Variants in ACO2 observed in about 807,000 individuals in gnomAD.
The protein encoded by ACO2 is aconitate hydratase, mitochondrial.
Under a neutral mutation model 84.5 loss-of-function variants are expected in ACO2, and 31 were observed. The ratio of observed to expected loss-of-function variants is 0.37; its 90% confidence interval spans 0.28 to 0.50. The LOEUF is 0.50. ACO2 is among the 20% of genes least tolerant of loss of function. The pLI, the probability that ACO2 is intolerant of heterozygous loss-of-function variation, is 0.97. For synonymous variants in ACO2, 414 were observed against 412.7 expected (o/e 1.00, Z -0.04); for missense variants, 685 against 1,029.3 (o/e 0.67, Z 4.58).
At chr22:41,485,340 G>T (rs889485630) in intron 1 of ACO2, among the ~76,000 whole-genome samples, 1 of 151,418 alleles carries the variant, frequency 6.6e-6, no homozygotes, top group South Asian at 2.1e-4. Flanking sequence ...CACTCTTGTT[G>T]CCCAGGCTGG....
At position 41,526,365 on chromosome 22, in the gene ACO2, T is replaced by A. The variant is rs2066596192; in HGVS notation, c.1865T>A (p.Ile622Asn). 1 of 1,613,630 alleles carries A rather than the reference T, an allele frequency of 6.2e-7. No individual in the cohort carries two copies. The highest frequency in any genetic ancestry group is 8.5e-7 in the Non-Finnish European group (1 of 1,180,034). Residue 622 changes from isoleucine (I) to asparagine (N), a missense_variant, in exon 15 of 18, where the codon ATC (isoleucine) becomes AAC (asparagine). This residue lies in a region of ACO2 where 174 missense variants were observed against 236.6 expected (regional missense o/e 0.74). Coordinates refer to ENST00000216254, the MANE Select transcript of ACO2 (RefSeq NM_001098.3). ...TCCAACAACCTGCTCATTGGTGCCA[T>A]CAACATTGAAAACGGCAAGGCCAAC... ...NISNNLLIGA[I>N]NIENGKANSV...
chr22:41,480,459 C>T (rs1287447229), intron 1 of ACO2, among the ~76,000 whole-genome samples: 1 of 152,094 alleles, frequency 6.6e-6, no homozygotes, highest in Non-Finnish European at 1.5e-5. Flanking sequence ...GTGCTTGGGA[C>T]CTGCTCTGGG....
At chr22:41,484,871 C>CTTTTT (rs1231320140) in intron 1 of ACO2, among the ~76,000 whole-genome samples, 1 of 119,004 alleles carries the variant, frequency 8.4e-6, no homozygotes, top group Non-Finnish European at 1.8e-5. Flanking sequence ...GGAGTCAGCT[C>CTTTTT]TTTTTTTTTT....
Position 41,507,962 on chromosome 22 carries a change from G to C in ACO2, c.345G>C (p.Leu115=), listed in dbSNP as rs1474128543. The C allele has an allele frequency of 1.2e-6, 2 of 1,614,136 alleles. No homozygotes were observed. Among genetic ancestry groups the C allele is most frequent in the Non-Finnish European group, 1.7e-6 (2 of 1,180,052 alleles). ...MAMLQFISSG[L]SKVAVPSTIH... ...TGCTCCAGTTCATCAGCAGCGGGCT[G>C]TCCAAGGTGGCTGTGCCATCCACCA... is the stretch of plus-strand genomic sequence containing the variant. The change falls in exon 3 of 18, where the codon CTG becomes CTC. Residue 115 remains leucine (L), a synonymous_variant. Transcript: ENST00000216254.
chr22:41,503,361 C>T (rs1312392612), intron 2 of ACO2, among the ~76,000 whole-genome samples: 2 of 151,744 alleles, frequency 1.3e-5, no homozygotes, highest in Admixed American at 1.3e-4. Context: ...GAGTCTCGCT[C>T]TGTCGCCCAG....
chr22:41,527,678 T>C (rs541836094), intron 16 of ACO2: 4 of 797,294 alleles, frequency 5.0e-6, no homozygotes, highest in Admixed American at 2.9e-5. Context: ...TTCTTTCTGA[T>C]CATGAATGTG....
At chr22:41,487,652 G>C (rs1037898089) in intron 1 of ACO2, among the ~76,000 whole-genome samples, 1 of 152,038 alleles carries the variant, frequency 6.6e-6, no homozygotes, top group African/African-American at 2.4e-5. Flanking sequence ...AATTCTTGGT[G>C]ATCTGGGGTC....
At position 41,518,568 on chromosome 22, in the gene ACO2, G is replaced by A; in HGVS notation, c.1028G>A (p.Ser343Asn). 2 of 1,611,590 alleles carry A rather than the reference G, an allele frequency of 1.2e-6. No homozygotes were observed. Among genetic ancestry groups the A allele is most frequent in the Non-Finnish European group, 1.7e-6 (2 of 1,177,786 alleles). The change falls in exon 8 of 18, where the codon AGT becomes AAT. Residue 343 changes from serine (S) to asparagine (N), a missense_variant. By Grantham distance (46) the Ser-to-Asn change is conservative. Coordinates refer to ENST00000216254, the MANE Select transcript of ACO2 (RefSeq NM_001098.3). ...HYDQLIEINLSELKPHINGPF... is the reference protein window; with the variant it reads ...HYDQLIEINLNELKPHINGPF... Reference sequence around the variant, plus strand: ...GACCAACTAATTGAAATTAACCTCAGTGAGGTGAGGAGACAATTAACTGGG... The same window carrying A: ...GACCAACTAATTGAAATTAACCTCAATGAGGTGAGGAGACAATTAACTGGG...
rs2066641725 is a variant in ACO2 at position 41,528,065 on chromosome 22, G to A, written c.2208+43G>A. Reference sequence around the variant, plus strand: ...CCCTGAGGTGGTGGGGTGAGGGGCAGCCACCTTGTTTCCCCTCCTGCACTG... The same window carrying A: ...CCCTGAGGTGGTGGGGTGAGGGGCAACCACCTTGTTTCCCCTCCTGCACTG... On this transcript the variant is annotated intron_variant, in intron 17 of 17. Transcript: ENST00000216254. 11 of 1,612,880 alleles carry A rather than the reference G, an allele frequency of 6.8e-6. No homozygotes were observed. In the East Asian group the frequency reaches 2.5e-4, roughly 36 times the overall value.
At chr22:41,491,988 A>T (rs2066274735) in intron 1 of ACO2, among the ~76,000 whole-genome samples, 1 of 152,162 alleles carries the variant, frequency 6.6e-6, no homozygotes, top group South Asian at 2.1e-4. Context: ...GATCTAGAAG[A>T]AGTGATCCAT....
rs367990906 is a variant in ACO2, at chr22:41,525,390, G to A, written c.1761+42G>A. The A allele has an allele frequency of 4.7e-5, 75 of 1,607,294 alleles. No homozygotes were observed. In the African/African-American group the frequency reaches 9.5e-4, roughly 20 times the overall value. Reference sequence around the variant, plus strand: ...CGGCAGGACAGCCCCACCCTGCCAGGGCCCCCCGTCCCCTGAGCATCGGGA... The same window carrying A: ...CGGCAGGACAGCCCCACCCTGCCAGAGCCCCCCGTCCCCTGAGCATCGGGA... On this transcript the variant is annotated intron_variant, in intron 14 of 17. Transcript: ENST00000216254.
chr22:41,508,108 CCCTCACACTGGAGCAAACCAGGGCATTG>C, intron 3 of ACO2, 59 bp downstream of exon 3: 1 of 1,558,562 alleles, frequency 6.4e-7, no homozygotes, highest in Non-Finnish European at 8.7e-7. Flanking sequence ...AGAGGCCTCA[CCCTCACACTGGAGCAAACCAGGGCATTG>C]CCTCCAAATT....
rs1313012481 is a variant in ACO2 at position 41,491,565 on chromosome 22, A to G, written c.37-8161A>G. Reference sequence around the variant, plus strand: ...TTCTGGAAAATGCTAATCAGCCACAAGGGCCTTTAAAACTGTCTGCAGTAA... The same window carrying G: ...TTCTGGAAAATGCTAATCAGCCACAGGGGCCTTTAAAACTGTCTGCAGTAA... On this transcript the variant is annotated intron_variant, in intron 1 of 17. Coordinates refer to ENST00000216254, the MANE Select transcript of ACO2 (RefSeq NM_001098.3). Among the ~76,000 whole-genome samples the G allele has an allele frequency of 2.0e-5, 3 of 152,306 alleles. No homozygotes were observed. The East Asian group carries it at 5.8e-4, about 29-fold the overall frequency.
intron 14 of ACO2, 90 bp from the exon 15 acceptor site, chr22:41,526,172 C>T: frequency 8.1e-7 from 1 of 1,239,124 alleles, no homozygotes; most frequent in Non-Finnish European, 1.1e-6. Context: ...CCTCCTGGGC[C>T]CCGGGGCCTG....
In ACO2 at chr22:41,515,573, G is replaced by C. The variant is rs773832682; in HGVS notation, c.684+38G>C. 4.3e-5 allele frequency: 69 copies of C among 1,588,778 alleles called. No individual in the cohort carries two copies. The Middle Eastern group carries it at 5.1e-4, about 12-fold the overall frequency. ...AGGGACTCATTCTGGGCTGGCTGTGGGGTGGTGGTTGGTGGGGATGAACGG... is the reference window on the plus strand; with the variant it reads ...AGGGACTCATTCTGGGCTGGCTGTGCGGTGGTGGTTGGTGGGGATGAACGG... On this transcript the variant is annotated intron_variant, in intron 5 of 17. Transcript: ENST00000216254. This position sits in a 1 kb window ranked among gnomAD's most constrained non-coding sequence, Gnocchi z 5.8.
In ACO2 at chr22:41,528,562, G is replaced by C. The variant is rs863223880; in HGVS notation, c.2292G>C (p.Glu764Asp). Residue 764 changes from glutamate (E) to aspartate (D), a missense_variant, in exon 18 of 18, where the codon GAG (glutamate) becomes GAC (aspartate). Physicochemically the swap from Glu to Asp is conservative, Grantham distance 45. Coordinates refer to ENST00000216254, the MANE Select transcript of ACO2 (RefSeq NM_001098.3). The part of the protein sequence containing the change: ...LNHTFNETQI[E>D]WFRAGSALNR... ...ACACCTTCAACGAGACGCAGATTGA[G>C]TGGTTCCGCGCTGGCAGTGCCCTCA... 9 of 1,613,196 alleles carry C rather than the reference G, an allele frequency of 5.6e-6. No individual in the cohort carries two copies. The highest frequency in any genetic ancestry group is 6.8e-6 in the Non-Finnish European group (8 of 1,180,038).
rs533970228 is a variant in ACO2 at position 41,515,656 on chromosome 22, G to A, written c.685-111G>A. ...AAGTTAGACTCGAATCTTCTGGGAG[G>A]GAGGTAGAGACCAATAAGCAGCAAT... is the stretch of plus-strand genomic sequence containing the variant. On this transcript the variant is annotated intron_variant, in intron 5 of 17. Transcript: ENST00000216254. The surrounding 1 kb of genome is among the most constrained non-coding windows in gnomAD (Gnocchi z 5.8). 1 of 1,591,260 alleles carries A rather than the reference G, an allele frequency of 6.3e-7. No individual in the cohort carries two copies. Among genetic ancestry groups the A allele is most frequent in the Middle Eastern group, 2.1e-4 (1 of 4,850 alleles).
intron 3 of ACO2, among the ~76,000 whole-genome samples, chr22:41,508,645 G>A (rs1254227505): frequency 6.6e-6 from 1 of 152,206 alleles, no homozygotes; most frequent in African/African-American, 2.4e-5. Context: ...TTAACTACAT[G>A]GGGGTGGCTG....
At chr22:41,484,936 G>A (rs147325348) in intron 1 of ACO2, among the ~76,000 whole-genome samples, 1,709 of 142,834 alleles carry the variant, frequency 0.012, 36 homozygotes, top group African/African-American at 0.043. Flanking sequence ...GTGCAATGGT[G>A]CAGTCTCAGC....
Sources: allele counts gnomAD v4.1 joint callset (sites outside exome capture counted in the v4.1 genomes callset), GRCh38; gene constraint gnomAD v4.1.1; regional missense constraint gnomAD v4.1.1; non-coding constraint Gnocchi (gnomAD v3.1); transcripts MANE v1.5; gene names NCBI Gene and HGNC (gene_info 2026-07-23, HGNC 2026-07-21).